EMP2: variants seen among roughly 807,000 people sequenced by gnomAD.
EMP2 encodes epithelial membrane protein 2.
EMP2 carries 19 observed loss-of-function variants against 13.7 expected under a neutral mutation model. The ratio of observed to expected loss-of-function variants is 1.38; its 90% CI spans 0.97 to 2.03. The LOEUF (loss-of-function observed/expected upper bound fraction) is 2.03, where lower values mean the gene tolerates loss of function less well. Ranked by LOEUF, EMP2 falls within the 30% of genes most tolerant of loss-of-function variation. EMP2 has a pLI of 0.00. For synonymous variants in EMP2, 97 were observed against 84.7 expected, an observed-to-expected ratio of 1.15 and a Z score of -0.80; for missense variants, 253 against 220.7, an observed-to-expected ratio of 1.15 and a Z score of -0.93.
intron 3 of EMP2, among the ~76,000 whole-genome samples, chr16:10,540,039 G>C (rs8048143): frequency 0.74 from 112,482 of 152,124 alleles, 41,619 homozygotes; most frequent in East Asian, 0.76. Flanking sequence ...GGAAAACATG[G>C]CTTTGGGGGA....
intron 2 of EMP2, chr16:10,545,010 C>G (rs1215055598): frequency 6.6e-6 from 1 of 152,278 alleles, no homozygotes; most frequent in East Asian, 1.9e-4. Flanking sequence ...CCAAGATGGC[C>G]TTCCTTCTAC....
chr16:10,531,852 A>C lies in EMP2; in HGVS notation c.*1053T>G, dbSNP rs1252555362. ...GAGAGGCCAGCCAGGTGTAGCATGA[A>C]GGGCTGGACAAGAAGGGAGAGGCCT... is the stretch of plus-strand genomic sequence containing the variant. On this transcript the variant is annotated 3_prime_UTR_variant, in exon 5 of 5. Coordinates refer to ENST00000359543, the MANE Select transcript of EMP2 (RefSeq NM_001424.6). 6.5e-6 allele frequency: 1 copy of C among 154,812 alleles called. No individual in the cohort carries two copies. The highest frequency in any genetic ancestry group is 2.4e-5 in the African/African-American group (1 of 41,502). 9.6% of individuals were successfully genotyped at this position (154,812 alleles called of 1,614,324 possible). A position where few individuals can be genotyped will look rare whatever the true frequency, so the allele number is the denominator to read the frequency against.
Position 10,529,608 on chromosome 16 carries a change from G to A in EMP2, c.*3297C>T, listed in dbSNP as rs566166838. ...GGGGGTCGATCTCTGGTTCTAAGGTGTTTTGTTTGTTTCCATCGTGACTAC... is the reference window on the plus strand; with the variant it reads ...GGGGGTCGATCTCTGGTTCTAAGGTATTTTGTTTGTTTCCATCGTGACTAC... On this transcript the variant is annotated 3_prime_UTR_variant, in exon 5 of 5. Coordinates refer to ENST00000359543, the MANE Select transcript of EMP2 (RefSeq NM_001424.6). 1.3e-5 allele frequency: 2 copies of A among 152,318 alleles called. No homozygotes were observed. The highest frequency in any genetic ancestry group is 2.4e-5 in the African/African-American group (1 of 41,560). 9.4% of individuals were successfully genotyped at this position (152,318 alleles called of 1,614,324 possible). A position where few individuals can be genotyped will look rare whatever the true frequency, so the allele number is the denominator to read the frequency against.
chr16:10,556,148 T>C (rs1408652962), intron 1 of EMP2, among the ~76,000 whole-genome samples: 1 of 152,216 alleles, frequency 6.6e-6, no homozygotes, highest in Non-Finnish European at 1.5e-5. Context: ...TAGTGTACTA[T>C]GATTGCACTT....
chr16:10,567,657 C>G (rs1487015315), intron 1 of EMP2, among the ~76,000 whole-genome samples: 1 of 152,102 alleles, frequency 6.6e-6, no homozygotes, highest in Non-Finnish European at 1.5e-5. Flanking sequence ...TCTAGGAGCC[C>G]TAAGACCCCC....
intron 1 of EMP2, among the ~76,000 whole-genome samples, chr16:10,562,481 C>A (rs760802280): frequency 2.0e-5 from 3 of 152,006 alleles, no homozygotes; most frequent in Non-Finnish European, 2.9e-5. Flanking sequence ...GGAAGACAGA[C>A]AAGGTTTACC....
intron 1 of EMP2, among the ~76,000 whole-genome samples, chr16:10,554,031 C>CTTTTTT (rs1478612965): frequency 1.6e-5 from 2 of 125,946 alleles, no homozygotes; most frequent in African/African-American, 5.7e-5. Context: ...TTTTTTCTTT[C>CTTTTTT]TTTCTTTTTT....
chr16:10,577,510 G>A (rs2050991636), intron 1 of EMP2, among the ~76,000 whole-genome samples: 1 of 152,250 alleles, frequency 6.6e-6, no homozygotes, highest in South Asian at 2.1e-4. Context: ...AGGGAGCCAG[G>A]CTTCACCACT....
chr16:10,560,434 G>C (rs1317135962), intron 1 of EMP2, among the ~76,000 whole-genome samples: 1 of 152,208 alleles, frequency 6.6e-6, no homozygotes, highest in Non-Finnish European at 1.5e-5. Context: ...TCAAAGTTAA[G>C]GAGTTTGTTC....
Position 10,533,228 on chromosome 16 carries a change from A to G in EMP2, c.317-136T>C, listed in dbSNP as rs4780939. On this transcript the variant is annotated intron_variant, in intron 4 of 4. Coordinates refer to ENST00000359543, the MANE Select transcript of EMP2 (RefSeq NM_001424.6). ...TTATTATTATTTTGTTGTAGAGACAAGATTTTGCCATGTCACCCAGGCTGG... is the reference window on the plus strand; with the variant it reads ...TTATTATTATTTTGTTGTAGAGACAGGATTTTGCCATGTCACCCAGGCTGG... 0.65 allele frequency: 568,673 copies of G among 879,374 alleles called. 185,527 individuals carry two copies. Among genetic ancestry groups the G allele is most frequent in the East Asian group, 0.76 (23,192 of 30,670 alleles). 54.5% of individuals were successfully genotyped at this position (879,374 alleles called of 1,614,324 possible).
At chr16:10,570,794 G>C (rs1318360743) in intron 1 of EMP2, among the ~76,000 whole-genome samples, 1 of 152,080 alleles carries the variant, frequency 6.6e-6, no homozygotes, top group Non-Finnish European at 1.5e-5. Flanking sequence ...TCCTGCCTCG[G>C]CCTTCCAAAG....
chr16:10,533,019 G>A lies in EMP2; in HGVS notation c.390C>T (p.Phe130=), dbSNP rs267604403. 1 of 1,611,728 alleles carries A rather than the reference G, an allele frequency of 6.2e-7. No homozygotes were observed. Among genetic ancestry groups the A allele is most frequent in the Non-Finnish European group, 8.5e-7 (1 of 1,178,944 alleles). The change falls in exon 5 of 5, where the codon TTC becomes TTT. Residue 130 remains phenylalanine (F), a synonymous_variant. Transcript: ENST00000359543. ...AGCTGCCTTCTCTGGTCACGGGATA[G>A]AATTTCGCGTTTTTGTCGTGAATGT... ...REDIHDKNAK[F]YPVTREGSYG... is the part of the protein sequence containing the mutation.
intron 1 of EMP2, among the ~76,000 whole-genome samples, chr16:10,575,700 C>T (rs1458454270): frequency 6.6e-6 from 1 of 152,156 alleles, no homozygotes; most frequent in Non-Finnish European, 1.5e-5. Context: ...GCCTCTCCCT[C>T]AGCCTTCCTT....
intron 1 of EMP2, among the ~76,000 whole-genome samples, chr16:10,568,336 A>C (rs1180788275): frequency 1.3e-5 from 2 of 152,216 alleles, no homozygotes; most frequent in Non-Finnish European, 2.9e-5. Flanking sequence ...CAAGTATAGC[A>C]TATACACCAA....
At chr16:10,538,982 A>C (rs921325513) in intron 3 of EMP2, among the ~76,000 whole-genome samples, 1 of 151,716 alleles carries the variant, frequency 6.6e-6, no homozygotes, top group East Asian at 1.9e-4. Flanking sequence ...ATTTTTAAAA[A>C]ATTTTTGTAG....
intron 1 of EMP2, among the ~76,000 whole-genome samples, chr16:10,575,237 CTTTTTTTTTTTTTTTTT>C (rs761837614): frequency 7.0e-4 from 37 of 52,494 alleles, no homozygotes; most frequent in Non-Finnish European, 8.4e-4. Context: ...AGCTTGCATT[CTTTTTTTTTTTTTTTTT>C]TTTTTTTTTT....
At chr16:10,540,537 A>AATAAAT in intron 3 of EMP2, among the ~76,000 whole-genome samples, 1 of 151,810 alleles carries the variant, frequency 6.6e-6, no homozygotes, top group African/African-American at 2.4e-5. Flanking sequence ...CAAATAAATA[A>AATAAAT]ATAGATTTCT....
Position 10,547,341 on chromosome 16 carries a change from T to A in EMP2, c.78+199A>T, listed in dbSNP as rs1214220305. 5.3e-6 allele frequency: 3 copies of A among 563,082 alleles called. No individual in the cohort carries two copies. The South Asian group carries it at 7.4e-5, about 14-fold the overall frequency. 34.9% of individuals were successfully genotyped at this position (563,082 alleles called of 1,614,324 possible). ...CTCTCTTGCCTGCCACCATGTAAGATGTGGCTTTGCTCCTCCTTTGCCTTC... is the reference window on the plus strand; with the variant it reads ...CTCTCTTGCCTGCCACCATGTAAGAAGTGGCTTTGCTCCTCCTTTGCCTTC... On this transcript the variant is annotated intron_variant, in intron 2 of 4. Transcript: ENST00000359543.
chr16:10,575,237 C>CTTTTTTTTTTTT lies in EMP2; in HGVS notation c.-61+5300_-61+5311dup, dbSNP rs761837614. Among the ~76,000 whole-genome samples the CTTTTTTTTTTTT allele has an allele frequency of 2.2e-3, 113 of 52,478 alleles. 20 individuals are homozygous for CTTTTTTTTTTTT. The highest frequency in any genetic ancestry group is 2.9e-3 in the African/African-American group (46 of 15,656). 34.4% of individuals were successfully genotyped at this position (52,478 alleles called of 152,430 possible). On this transcript the variant is annotated intron_variant, in intron 1 of 4. Coordinates refer to ENST00000359543, the MANE Select transcript of EMP2 (RefSeq NM_001424.6). ...TGGCCTTGGTCCTGGAGCTTGCATT[C>CTTTTTTTTTTTT]TTTTTTTTTTTTTTTTTTTTTTTTT...
Sources: allele counts gnomAD v4.1 joint callset (sites outside exome capture counted in the v4.1 genomes callset), GRCh38; gene constraint gnomAD v4.1.1; transcripts MANE v1.5; gene names NCBI Gene and HGNC (gene_info 2026-07-23, HGNC 2026-07-21).